Variants in NKAIN2 observed in about 807,000 individuals in gnomAD.
NKAIN2 encodes the protein sodium/potassium transporting ATPase interacting 2.
In NKAIN2, 14 loss-of-function variants were observed where a neutral mutation model predicts 32.6. The observed-to-expected ratio is 0.43, with a 90% CI of 0.28 to 0.67. NKAIN2 has a LOEUF of 0.67. Ranked by LOEUF, NKAIN2 falls within the 30% of genes least tolerant of loss-of-function variation. NKAIN2 has a pLI of 0.17. For missense variants in NKAIN2, 198 were observed against 258.3 expected (o/e 0.77, Z 1.60); for synonymous variants, 80 against 87.2 (o/e 0.92, Z 0.46).
chr6:124,397,948 T>C (rs1029144495), intron 3 of NKAIN2, among the ~76,000 whole-genome samples: 3 of 152,026 alleles, frequency 2.0e-5, no homozygotes, highest in African/African-American at 7.2e-5. Flanking sequence ...TCCTAGGGAA[T>C]TTATTTAAAA....
intron 3 of NKAIN2, among the ~76,000 whole-genome samples, chr6:124,522,934 G>C (rs1779169691): frequency 6.6e-6 from 1 of 150,816 alleles, no homozygotes; most frequent in Admixed American, 6.6e-5. Context: ...ACGAGGTCAG[G>C]AGATCGAGAC....
At chr6:124,396,144 A>T (rs1437647026) in intron 3 of NKAIN2, among the ~76,000 whole-genome samples, 1 of 152,134 alleles carries the variant, frequency 6.6e-6, no homozygotes, top group Non-Finnish European at 1.5e-5. Flanking sequence ...TTATCTTATT[A>T]AACAGATGAG....
At chr6:123,842,355 A>C (rs2114937319) in intron 1 of NKAIN2, among the ~76,000 whole-genome samples, 1 of 152,254 alleles carries the variant, frequency 6.6e-6, no homozygotes, top group South Asian at 2.1e-4. Flanking sequence ...GCACCTTCTT[A>C]ATATCCTTAT....
intron 1 of NKAIN2, among the ~76,000 whole-genome samples, chr6:124,262,527 G>A (rs974822731): frequency 5.3e-5 from 8 of 152,090 alleles, no homozygotes; most frequent in African/African-American, 1.9e-4. Context: ...AAGCTCTAGA[G>A]GTATAAAAGT....
intron 1 of NKAIN2, among the ~76,000 whole-genome samples, chr6:124,040,347 T>C (rs1277833996): frequency 6.6e-6 from 1 of 151,944 alleles, no homozygotes; most frequent in African/African-American, 2.4e-5. Flanking sequence ...CAGTTCTTTT[T>C]AAAATTCCCA....
intron 1 of NKAIN2, among the ~76,000 whole-genome samples, chr6:123,942,225 GA>G (rs1339519862): frequency 6.6e-6 from 1 of 151,894 alleles, no homozygotes; most frequent in Non-Finnish European, 1.5e-5. Context: ...TATTGGAACA[GA>G]ATGTTCATTT....
chr6:124,800,683 C>T (rs1780215954), intron 5 of NKAIN2, among the ~76,000 whole-genome samples: 2 of 152,168 alleles, frequency 1.3e-5, no homozygotes, highest in South Asian at 4.1e-4. Context: ...TATCAAGAGG[C>T]ACAGAGTGCT....
chr6:124,119,098 A>G (rs1022067351), intron 1 of NKAIN2, among the ~76,000 whole-genome samples: 1 of 152,210 alleles, frequency 6.6e-6, no homozygotes, highest in Admixed American at 6.5e-5. Flanking sequence ...TTTGAAATTA[A>G]AGACCTGAAA....
chr6:124,763,837 A>T (rs997585070), intron 4 of NKAIN2, among the ~76,000 whole-genome samples: 1 of 152,232 alleles, frequency 6.6e-6, no homozygotes, highest in Non-Finnish European at 1.5e-5. Context: ...TATATAATTT[A>T]AAAATAAAAT....
At chr6:124,316,574 T>C (rs892470828) in intron 2 of NKAIN2, among the ~76,000 whole-genome samples, 1 of 152,156 alleles carries the variant, frequency 6.6e-6, no homozygotes, top group Admixed American at 6.6e-5. Context: ...TCACAAACTT[T>C]ATAAAAATAA....
At chr6:124,495,442 T>A (rs753174904) in intron 3 of NKAIN2, among the ~76,000 whole-genome samples, 1 of 152,010 alleles carries the variant, frequency 6.6e-6, no homozygotes, top group Non-Finnish European at 1.5e-5. Context: ...CTAAGGGCAG[T>A]GCCTCTCACA....
chr6:123,984,506 T>C (rs1216070898), intron 1 of NKAIN2, among the ~76,000 whole-genome samples: 2 of 152,164 alleles, frequency 1.3e-5, no homozygotes, highest in African/African-American at 4.8e-5. Context: ...TACAGTAATA[T>C]ACTGTAATAT....
intron 1 of NKAIN2, among the ~76,000 whole-genome samples, chr6:124,197,147 T>C (rs1028358739): frequency 6.6e-6 from 1 of 151,942 alleles, no homozygotes; most frequent in African/African-American, 2.4e-5. Context: ...TTTGAAATTA[T>C]AGTCTTTGTC....
intron 1 of NKAIN2, among the ~76,000 whole-genome samples, chr6:124,224,932 C>T (rs1792028533): frequency 6.6e-6 from 1 of 151,952 alleles, no homozygotes; most frequent in South Asian, 2.1e-4. Context: ...AGCTATTTCT[C>T]TTATTATATC....
At chr6:124,165,711 C>G (rs1232009212) in intron 1 of NKAIN2, among the ~76,000 whole-genome samples, 1 of 147,746 alleles carries the variant, frequency 6.8e-6, no homozygotes, top group Admixed American at 6.8e-5. Context: ...GTTCCCCTCC[C>G]TGTGTCCATG....
At chr6:124,623,989 T>C (rs1310378907) in intron 3 of NKAIN2, among the ~76,000 whole-genome samples, 2 of 151,988 alleles carry the variant, frequency 1.3e-5, no homozygotes, top group South Asian at 2.1e-4. Flanking sequence ...AGGGGAAGAA[T>C]GTACTGTGAT....
At chr6:124,575,603 G>A (rs999274524) in intron 3 of NKAIN2, among the ~76,000 whole-genome samples, 2 of 152,168 alleles carry the variant, frequency 1.3e-5, no homozygotes, top group East Asian at 1.9e-4. Context: ...ACCCTTATAA[G>A]CAGGCATTTT....
chr6:123,993,144 ATGTTAT>A (rs1352058730), intron 1 of NKAIN2, among the ~76,000 whole-genome samples: 1 of 152,176 alleles, frequency 6.6e-6, no homozygotes, highest in Non-Finnish European at 1.5e-5. Flanking sequence ...TAGTTGTACC[ATGTTAT>A]TGTTATTAAC....
At chr6:124,567,903 C>G (rs1780980608) in intron 3 of NKAIN2, among the ~76,000 whole-genome samples, 1 of 152,146 alleles carries the variant, frequency 6.6e-6, no homozygotes, top group African/African-American at 2.4e-5. Context: ...TTGGCTATCT[C>G]CTGATCTAGC....
Sources: allele counts gnomAD v4.1 joint callset (sites outside exome capture counted in the v4.1 genomes callset), GRCh38; gene constraint gnomAD v4.1.1; transcripts MANE v1.5; gene names NCBI Gene and HGNC (gene_info 2026-07-23, HGNC 2026-07-21).